IHO1: variants seen among roughly 807,000 people sequenced by gnomAD.
IHO1 encodes the protein interactor of HORMAD1 protein 1.
IHO1 carries 13 observed loss-of-function variants against 31.0 expected under a neutral mutation model. That is an observed-to-expected ratio of 0.42 (90% CI 0.27 to 0.67). The LOEUF (loss-of-function observed/expected upper bound fraction) is 0.67. IHO1 is among the 30% of genes least tolerant of loss of function. IHO1 has a pLI of 0.24. For synonymous variants in IHO1, 221 were observed against 248.4 expected (o/e 0.89, Z 1.04); for missense variants, 599 against 687.5 (o/e 0.87, Z 1.44).
chr3:49,197,478 GC>G (rs1330630680), upstream of IHO1, among the ~76,000 whole-genome samples: 1 of 151,760 alleles, frequency 6.6e-6, no homozygotes, highest in Non-Finnish European at 1.5e-5. Context: ...AATTTTTATA[GC>G]TTTATTTAGG....
chr3:49,214,449 T>G (rs1208684864), intron 2 of IHO1, among the ~76,000 whole-genome samples: 6 of 150,870 alleles, frequency 4.0e-5, no homozygotes, highest in Admixed American at 6.7e-5. Flanking sequence ...TAATTGCTTA[T>G]TATATGCTCT....
At chr3:49,201,708 G>C (rs1387807666) in intron 1 of IHO1, among the ~76,000 whole-genome samples, 1 of 152,090 alleles carries the variant, frequency 6.6e-6, no homozygotes, top group East Asian at 1.9e-4. Context: ...CTTGAGCTCA[G>C]GAGCGTGAGA....
intron 2 of IHO1, among the ~76,000 whole-genome samples, chr3:49,232,595 G>A (rs1431573455): frequency 6.6e-6 from 1 of 152,176 alleles, no homozygotes; most frequent in Non-Finnish European, 1.5e-5. Flanking sequence ...GGTTTTGGGA[G>A]GATCCCAAAG....
intron 2 of IHO1, among the ~76,000 whole-genome samples, chr3:49,231,993 A>G (rs1269970430): frequency 6.6e-6 from 1 of 152,216 alleles, no homozygotes. Context: ...AGACTAGCTT[A>G]TGTACATGTA....
intron 2 of IHO1, among the ~76,000 whole-genome samples, chr3:49,226,160 T>A (rs1174316762): frequency 6.6e-6 from 1 of 152,218 alleles, no homozygotes; most frequent in East Asian, 1.9e-4. Flanking sequence ...AAGGTTGGTT[T>A]GTCTGAGTGC....
chr3:49,243,624 G>GTCAC (rs2046658183), intron 4 of IHO1, among the ~76,000 whole-genome samples: 2 of 151,516 alleles, frequency 1.3e-5, no homozygotes, highest in Admixed American at 6.6e-5. Flanking sequence ...CGGGCGTGGT[G>GTCAC]GCGGGAGCCT....
intron 2 of IHO1, among the ~76,000 whole-genome samples, chr3:49,214,718 C>A (rs1458862673): frequency 3.8e-4 from 53 of 139,352 alleles, no homozygotes; most frequent in African/African-American, 1.3e-3. Context: ...CAGCTCACTG[C>A]AACCTTCACC....
intron 1 of IHO1, among the ~76,000 whole-genome samples, chr3:49,208,340 C>G (rs919579285): frequency 6.6e-6 from 1 of 152,216 alleles, no homozygotes; most frequent in Non-Finnish European, 1.5e-5. Context: ...AGCCTGAGCT[C>G]TATCTCCTGT....
At chr3:49,248,421 A>C (rs1443044801) in intron 6 of IHO1, among the ~76,000 whole-genome samples, 2 of 149,436 alleles carry the variant, frequency 1.3e-5, no homozygotes, top group Non-Finnish European at 3.0e-5. Context: ...TCTCTCAAAA[A>C]CAAAACAAAA....
At chr3:49,225,435 C>G (rs1237298319) in intron 2 of IHO1, among the ~76,000 whole-genome samples, 1 of 152,010 alleles carries the variant, frequency 6.6e-6, no homozygotes, top group African/African-American at 2.4e-5. Flanking sequence ...CGCATCCCAG[C>G]CTGGGTGACA....
At chr3:49,191,336 G>C in the IHO1 span, among the ~76,000 whole-genome samples, 1 of 152,206 alleles carries the variant, frequency 6.6e-6, no homozygotes, top group African/African-American at 2.4e-5. Context: ...TAGCTCAACA[G>C]TATTTATCAG....
intron 6 of IHO1, among the ~76,000 whole-genome samples, chr3:49,252,820 G>A (rs1305653124): frequency 2.6e-5 from 4 of 152,164 alleles, no homozygotes; most frequent in East Asian, 1.9e-4. Context: ...CGAGGTGGGC[G>A]AATCATGAAG....
chr3:49,215,451 A>T (rs2046276768), intron 2 of IHO1, among the ~76,000 whole-genome samples: 1 of 152,192 alleles, frequency 6.6e-6, no homozygotes, highest in Non-Finnish European at 1.5e-5. Context: ...CCAAGAGGAA[A>T]ATCATAGAGA....
Position 49,244,744 on chromosome 3 carries a change from C to T in IHO1, c.532+11C>T. 2 of 1,609,878 alleles carry T rather than the reference C, an allele frequency of 1.2e-6. No individual in the cohort carries two copies. Among genetic ancestry groups the T allele is most frequent in the South Asian group, 2.2e-5 (2 of 90,990 alleles). On this transcript the variant is annotated intron_variant, in intron 6 of 7. Coordinates refer to ENST00000452691, the MANE Select transcript of IHO1 (RefSeq NM_001135197.2). ...CTGTGGCCAAGACATGTGAGTGCCT[C>T]ATGTTTGAGGTATCAGCAGAGGGCA...
chr3:49,250,115 CACAT>C (rs911144097), intron 6 of IHO1, among the ~76,000 whole-genome samples: 3 of 152,110 alleles, frequency 2.0e-5, no homozygotes, highest in Non-Finnish European at 4.4e-5. Context: ...CTTCTAGACA[CACAT>C]ACACAAACAA....
intron 1 of IHO1, among the ~76,000 whole-genome samples, chr3:49,210,912 G>A (rs1449043758): frequency 6.6e-6 from 1 of 151,242 alleles, no homozygotes; most frequent in African/African-American, 2.4e-5. Flanking sequence ...TAGCCAGGAT[G>A]GTCTGGATCT....
intron 2 of IHO1, among the ~76,000 whole-genome samples, chr3:49,215,676 A>T (rs1462778177): frequency 6.6e-6 from 1 of 152,180 alleles, no homozygotes; most frequent in Non-Finnish European, 1.5e-5. Context: ...CTTAGCCTCA[A>T]ATCCATCTCC....
rs2046834114 is a variant in IHO1, at chr3:49,256,964, C to T, written c.1467C>T (p.Phe489=). 1.9e-6 allele frequency: 3 copies of T among 1,614,128 alleles called. No homozygotes were observed. The highest frequency in any genetic ancestry group is 2.5e-6 in the Non-Finnish European group (3 of 1,180,042). The change falls in exon 8 of 8, where the codon TTC becomes TTT. Residue 489 remains phenylalanine, a synonymous_variant. Transcript: ENST00000452691. This position sits in a 1 kb window ranked among gnomAD's most constrained non-coding sequence, Gnocchi z 4.6. ...QPAISVPQSP[F]LGQQEPRAQP... is the part of the protein sequence containing the mutation. ...CAATTTCTGTCCCTCAAAGCCCCTT[C>T]CTGGGGCAGCAGGAACCCCGTGCTC...
chr3:49,234,884 TCACC>T lies in IHO1; in HGVS notation c.57-1661_57-1658del, dbSNP rs1365873455. Among the ~76,000 whole-genome samples the T allele has an allele frequency of 3.9e-5, 6 of 151,976 alleles. No individual in the cohort carries two copies. The South Asian group carries it at 6.3e-4, about 16-fold the overall frequency. The stretch of plus-strand genomic sequence containing the variant: ...TTTTTTGAGACTGAGTCTCACTGTA[TCACC>T]CAGGCTGGAGTGCAGTGGCACAATC... On this transcript the variant is annotated intron_variant, in intron 2 of 7. Coordinates refer to ENST00000452691, the MANE Select transcript of IHO1 (RefSeq NM_001135197.2).
Sources: gnomAD v4.1 joint callset for allele counts (sites outside exome capture counted in the v4.1 genomes callset) on GRCh38, gnomAD v4.1.1 for gene constraint, Gnocchi (gnomAD v3.1) non-coding constraint, MANE v1.5 for transcripts, NCBI Gene and HGNC (gene_info 2026-07-23, HGNC 2026-07-21) for gene names.